ADA: variants seen among roughly 807,000 people sequenced by gnomAD.
ADA encodes the protein adenosine deaminase, also known as adenosine aminohydrolase.
Under a neutral mutation model 49.0 loss-of-function variants are expected in ADA, and 45 were observed. The observed-to-expected ratio is 0.92, with a 90% CI of 0.72 to 1.18. The LOEUF is 1.18. Among genes scored for constraint, ADA ranks in the 50% most tolerant of loss-of-function variants. The pLI is 0.00. For missense variants in ADA, 445 were observed against 472.5 expected (o/e 0.94, Z 0.54); for synonymous variants, 173 against 184.2 (o/e 0.94, Z 0.49).
chr20:44,651,051 T>C (rs1469312057), intron 1 of ADA, among the ~76,000 whole-genome samples: 2 of 150,920 alleles, frequency 1.3e-5, no homozygotes, highest in East Asian at 3.9e-4. Flanking sequence ...GGAAGGGGGG[T>C]GCTCTGCTCC....
chr20:44,635,948 G>A (rs1024316623), intron 2 of ADA: 15 of 489,772 alleles, frequency 3.1e-5, no homozygotes, highest in Non-Finnish European at 4.8e-5. Context: ...CTTCATGCAC[G>A]TATGTGGGTG....
At chr20:44,644,129 G>A (rs2065565288) in intron 1 of ADA, among the ~76,000 whole-genome samples, 1 of 143,052 alleles carries the variant, frequency 7.0e-6, no homozygotes, top group South Asian at 2.5e-4. Flanking sequence ...GGTGAGCCTT[G>A]GGGACAACTA....
intron 1 of ADA, among the ~76,000 whole-genome samples, chr20:44,643,527 A>G (rs537625557): frequency 4.6e-5 from 7 of 152,348 alleles, no homozygotes; most frequent in Admixed American, 3.3e-4. Flanking sequence ...GGGGAAATGG[A>G]CTTGCCAGGC....
chr20:44,621,866 G>C (rs2065335516), intron 9 of ADA, among the ~76,000 whole-genome samples: 1 of 152,020 alleles, frequency 6.6e-6, no homozygotes, highest in African/African-American at 2.4e-5. Context: ...CCAGCCCATG[G>C]TATACCCACA....
intron 3 of ADA, among the ~76,000 whole-genome samples, chr20:44,628,809 C>T (rs1044669386): frequency 1.1e-4 from 16 of 152,090 alleles, no homozygotes; most frequent in African/African-American, 3.9e-4. Flanking sequence ...TTCTTAGCTC[C>T]CATATTCTGC....
chr20:44,641,772 GTTT>G (rs531940059), intron 1 of ADA, among the ~76,000 whole-genome samples: 2 of 143,392 alleles, frequency 1.4e-5, no homozygotes. Context: ...TGTTGTTGTT[GTTT>G]TTTTTTTTTT....
At chr20:44,634,866 G>A (rs1288247728) in intron 2 of ADA, among the ~76,000 whole-genome samples, 1 of 152,226 alleles carries the variant, frequency 6.6e-6, no homozygotes, top group Admixed American at 6.5e-5. Context: ...GAGCAGAAAT[G>A]TTCAAATTTG....
At chr20:44,624,622 G>T (rs2065364973) in intron 5 of ADA, among the ~76,000 whole-genome samples, 1 of 152,222 alleles carries the variant, frequency 6.6e-6, no homozygotes, top group Non-Finnish European at 1.5e-5. Flanking sequence ...CCTGAGCTCA[G>T]TAAATGACAC....
intron 2 of ADA, 195 bp downstream of exon 2, chr20:44,636,032 G>A: frequency 1.6e-6 from 1 of 616,324 alleles, no homozygotes; most frequent in Non-Finnish European, 2.9e-6. Flanking sequence ...GAAAGCTCAG[G>A]AGTTGGTCTG....
intron 1 of ADA, among the ~76,000 whole-genome samples, chr20:44,646,036 C>A (rs2065588533): frequency 6.6e-6 from 1 of 152,144 alleles, no homozygotes; most frequent in African/African-American, 2.4e-5. Context: ...CTCCTCTCCA[C>A]CTCCCCAGCC....
intron 3 of ADA, among the ~76,000 whole-genome samples, chr20:44,627,718 A>T (rs188128684): frequency 6.6e-6 from 1 of 152,276 alleles, no homozygotes; most frequent in East Asian, 1.9e-4. Flanking sequence ...TGATGGAGTT[A>T]AGGCTGGCAG....
chr20:44,643,727 A>G (rs2145353095), intron 1 of ADA, among the ~76,000 whole-genome samples: 1 of 152,210 alleles, frequency 6.6e-6, no homozygotes, highest in South Asian at 2.1e-4. Context: ...GCCCCTTCCC[A>G]CTGCCTTTGC....
At chr20:44,636,440 C>A (rs1600936866) in intron 1 of ADA, 152 bp from the exon 2 acceptor site, 1 of 687,202 alleles carries the variant, frequency 1.5e-6, no homozygotes, top group East Asian at 2.7e-5. Context: ...CCATATACTT[C>A]GGTAAACTCT....
chr20:44,637,066 A>C (rs2065487656), intron 1 of ADA, among the ~76,000 whole-genome samples: 1 of 152,118 alleles, frequency 6.6e-6, no homozygotes, highest in Non-Finnish European at 1.5e-5. Flanking sequence ...CAGCCTCCCA[A>C]AGTGCTGGGA....
intron 10 of ADA, chr20:44,620,626 A>G (rs536383644): frequency 3.3e-5 from 20 of 610,292 alleles, no homozygotes; most frequent in South Asian, 7.5e-5. Flanking sequence ...AAGTTGGAGA[A>G]ACCTTTGAGA....
intron 2 of ADA, among the ~76,000 whole-genome samples, chr20:44,630,269 A>T (rs2065421535): frequency 6.6e-6 from 1 of 151,666 alleles, no homozygotes; most frequent in Non-Finnish European, 1.5e-5. Context: ...CACTTGAACC[A>T]GGGAGTCAGA....
chr20:44,619,939 C>G, intron 11 of ADA, 92 bp from the exon 12 acceptor site: 1 of 1,526,234 alleles, frequency 6.6e-7, no homozygotes, highest in Admixed American at 1.7e-5. Flanking sequence ...CAGAAAGGAA[C>G]TCCTTCCTAT....
rs868524326 is a variant in ADA at position 44,628,965 on chromosome 20, C to T, written c.218+82G>A. The T allele has an allele frequency of 2.7e-5, 44 of 1,600,014 alleles. No individual in the cohort carries two copies. In the Middle Eastern group the frequency reaches 4.9e-4, roughly 18 times the overall value. On this transcript the variant is annotated intron_variant, in intron 3 of 11. Coordinates refer to ENST00000372874, the MANE Select transcript of ADA (RefSeq NM_000022.4). ...TGTGGTTTCAGAGCAACTTCTCTGG[C>T]CCCCACAGGCTGAGGGACAGGCCTG... is the stretch of plus-strand genomic sequence containing the variant.
chr20:44,644,341 C>T (rs2065568497), intron 1 of ADA, among the ~76,000 whole-genome samples: 1 of 152,110 alleles, frequency 6.6e-6, no homozygotes, highest in Admixed American at 6.5e-5. Context: ...CCTCGCACAG[C>T]ACCTAGTGCT....
Sources: gnomAD v4.1 joint callset for allele counts (sites outside exome capture counted in the v4.1 genomes callset) on GRCh38, gnomAD v4.1.1 for gene constraint, MANE v1.5 for transcripts, NCBI Gene and HGNC (gene_info 2026-07-23, HGNC 2026-07-21) for gene names.